The following GPC5 variants were observed in gnomAD, a reference collection of about 807,000 sequenced individuals.
GPC5 encodes the protein glypican-5.
In GPC5, 47 loss-of-function variants were observed where a neutral mutation model predicts 53.9. The ratio of observed to expected loss-of-function variants is 0.87; its 90% confidence interval spans 0.69 to 1.11. The LOEUF (loss-of-function observed/expected upper bound fraction) is 1.11. GPC5 is among the 50% of genes most tolerant of loss of function. GPC5 has a pLI of 0.00. For synonymous variants in GPC5, 286 were observed against 263.3 expected (o/e 1.09, Z -0.84); for missense variants, 748 against 713.1 (o/e 1.05, Z -0.56).
chr13:91,908,980 G>C (rs2039582916), intron 6 of GPC5, among the ~76,000 whole-genome samples: 1 of 152,062 alleles, frequency 6.6e-6, no homozygotes, highest in Admixed American at 6.6e-5. Context: ...CAAAGCTTAA[G>C]TTTATGCAGA....
intron 2 of GPC5, among the ~76,000 whole-genome samples, chr13:91,645,702 C>T (rs1207882768): frequency 6.6e-6 from 1 of 152,206 alleles, no homozygotes; most frequent in African/African-American, 2.4e-5. Flanking sequence ...CAGTCATCCA[C>T]ATTTATTTGT....
chr13:91,528,297 A>T (rs1886179803), intron 2 of GPC5, among the ~76,000 whole-genome samples: 1 of 152,196 alleles, frequency 6.6e-6, no homozygotes, highest in African/African-American at 2.4e-5. Context: ...TGCTGCTTAG[A>T]AATTTCTTCT....
At chr13:91,502,347 T>C (rs1477203953) in intron 2 of GPC5, among the ~76,000 whole-genome samples, 1 of 151,988 alleles carries the variant, frequency 6.6e-6, no homozygotes, top group Non-Finnish European at 1.5e-5. Flanking sequence ...TGGTATTGCC[T>C]AGGTTTTCTT....
At chr13:91,429,306 T>G (rs1299515889) in intron 1 of GPC5, among the ~76,000 whole-genome samples, 1 of 152,186 alleles carries the variant, frequency 6.6e-6, no homozygotes, top group Non-Finnish European at 1.5e-5. Flanking sequence ...TTTTCATGCT[T>G]TTTTTGTTTG....
At chr13:92,751,950 C>T (rs1420254402) in intron 7 of GPC5, among the ~76,000 whole-genome samples, 2 of 151,528 alleles carry the variant, frequency 1.3e-5, no homozygotes, top group African/African-American at 4.9e-5. Context: ...TACTTTGTTA[C>T]CTTGTAAAAA....
Position 91,950,273 on chromosome 13 carries a change from T to TTTG in GPC5, c.1401+42218_1401+42219insGTT, listed in dbSNP as rs1318302627. 4.6e-3 allele frequency among the ~76,000 whole-genome samples: 692 copies of TTTG among 151,192 alleles called. 7 individuals are homozygous for TTTG. The highest frequency in any genetic ancestry group is 0.016 in the African/African-American group (656 of 41,166). On this transcript the variant is annotated intron_variant, in intron 6 of 7. Transcript: ENST00000377067. ...TTTTACTAAAACTGCCAAGTTTTTT[T>TTTG]TTTTTTTTTTTTCATGAATTAGCAT...
In GPC5 at chr13:91,824,293, G is replaced by A. The variant is rs927418388; in HGVS notation, c.1280+67873G>A. On this transcript the variant is annotated intron_variant, in intron 5 of 7. Transcript: ENST00000377067. ...ATGAGATTATAATTGGACTATGATG[G>A]CATGAAATTTTGAAGGAAGAAAATT... 4.6e-5 allele frequency among the ~76,000 whole-genome samples: 7 copies of A among 151,978 alleles called. 1 individual carries two copies. The highest frequency in any genetic ancestry group is 1.0e-4 in the Non-Finnish European group (7 of 67,908).
At chr13:91,679,910 C>T (rs1157670374) in intron 2 of GPC5, among the ~76,000 whole-genome samples, 1 of 138,290 alleles carries the variant, frequency 7.2e-6, no homozygotes, top group African/African-American at 3.2e-5. Flanking sequence ...GCTGAACTAG[C>T]CACATTTTTT....
chr13:92,290,844 C>T (rs116585238), intron 7 of GPC5, among the ~76,000 whole-genome samples: 3 of 152,158 alleles, frequency 2.0e-5, no homozygotes, highest in African/African-American at 7.2e-5. Flanking sequence ...TTTGGGTTGG[C>T]CAGGGCTGGA....
At chr13:92,810,222 A>G (rs1263829805) in intron 7 of GPC5, among the ~76,000 whole-genome samples, 1 of 150,342 alleles carries the variant, frequency 6.7e-6, no homozygotes, top group South Asian at 2.1e-4. Flanking sequence ...AATCACTTCT[A>G]TAAGTCACTG....
At chr13:92,068,280 A>G (rs1365291048) in intron 6 of GPC5, among the ~76,000 whole-genome samples, 1 of 151,886 alleles carries the variant, frequency 6.6e-6, no homozygotes, top group Non-Finnish European at 1.5e-5. Flanking sequence ...TTAACAAAAT[A>G]TTGATTCTAA....
intron 5 of GPC5, among the ~76,000 whole-genome samples, chr13:91,834,836 G>T (rs1156691924): frequency 6.6e-6 from 1 of 152,140 alleles, no homozygotes; most frequent in African/African-American, 2.4e-5. Context: ...ATAGGTATGG[G>T]CAAGGACTTC....
chr13:91,525,780 A>G (rs1223810175), intron 2 of GPC5, among the ~76,000 whole-genome samples: 2 of 152,198 alleles, frequency 1.3e-5, no homozygotes, highest in African/African-American at 4.8e-5. Flanking sequence ...TTTTTCTAAC[A>G]ATAATGTCGC....
intron 7 of GPC5, among the ~76,000 whole-genome samples, chr13:92,346,882 G>A (rs1247788446): frequency 2.0e-5 from 3 of 152,052 alleles, no homozygotes; most frequent in East Asian, 1.9e-4. Flanking sequence ...CCAGAGATGA[G>A]GAATGCAATG....
At chr13:92,149,229 G>A (rs35317431) in intron 7 of GPC5, among the ~76,000 whole-genome samples, 2 of 151,830 alleles carry the variant, frequency 1.3e-5, no homozygotes, top group Non-Finnish European at 1.5e-5. Flanking sequence ...CTTTTATCAT[G>A]TCTATTGACA....
chr13:92,654,730 A>G (rs1030564121), intron 7 of GPC5, among the ~76,000 whole-genome samples: 6 of 146,442 alleles, frequency 4.1e-5, no homozygotes, highest in African/African-American at 1.5e-4. Flanking sequence ...TTTTATACTC[A>G]ACTCTTTTTA....
chr13:91,512,154 C>T (rs1409277904), intron 2 of GPC5, among the ~76,000 whole-genome samples: 4 of 152,216 alleles, frequency 2.6e-5, no homozygotes, highest in Non-Finnish European at 5.9e-5. Context: ...ATTCCATCAT[C>T]GCAACTCCAG....
intron 6 of GPC5, among the ~76,000 whole-genome samples, chr13:92,025,874 C>A (rs1325696082): frequency 6.6e-6 from 1 of 152,048 alleles, no homozygotes; most frequent in Non-Finnish European, 1.5e-5. Context: ...TCATATGTAA[C>A]AGAAAAATGC....
rs183133393 is a variant in GPC5 at position 91,978,002 on chromosome 13, A to G, written c.1401+69945A>G. Among the ~76,000 whole-genome samples the G allele has an allele frequency of 5.9e-5, 9 of 152,124 alleles. No homozygotes were observed. The East Asian group carries it at 1.7e-3, about 29-fold the overall frequency. ...AAGAAAGAAAAGAAAAAAAAAATTA[A>G]ATTAGCTGGGCATAGTGGTGTACAC... On this transcript the variant is annotated intron_variant, in intron 6 of 7. Coordinates refer to ENST00000377067, the MANE Select transcript of GPC5 (RefSeq NM_004466.6).
Sources: gnomAD v4.1 joint callset for allele counts (sites outside exome capture counted in the v4.1 genomes callset) on GRCh38, gnomAD v4.1.1 for gene constraint, MANE v1.5 for transcripts, NCBI Gene and HGNC (gene_info 2026-07-23, HGNC 2026-07-21) for gene names.